The following XKR5 variants were observed in gnomAD, a reference collection of about 807,000 sequenced individuals.
XKR5 encodes XK-related protein 5.
XKR5 carries 46 observed loss-of-function variants against 40.8 expected under a neutral mutation model. The observed-to-expected ratio is 1.13, with a 90% CI of 0.89 to 1.44. The LOEUF (loss-of-function observed/expected upper bound fraction) is 1.44. Among genes scored for constraint, XKR5 ranks in the 40% most tolerant of loss-of-function variants. The pLI, the probability that XKR5 is intolerant of heterozygous loss-of-function variation, is 0.00. For missense variants in XKR5, 1,169 were observed against 844.7 expected (o/e 1.38, Z -4.76); for synonymous variants, 466 against 356.1 (o/e 1.31, Z -3.48).
At chr8:6,815,950 C>T (rs767205480) in intron 5 of XKR5, 32 bp from the exon 6 acceptor site, 13 of 1,511,786 alleles carry the variant, frequency 8.6e-6, no homozygotes, top group South Asian at 2.4e-5. Flanking sequence ...CACCACACCT[C>T]GTCAGGTGCA....
chr8:6,818,010 C>T (rs1804040901), intron 5 of XKR5, among the ~76,000 whole-genome samples: 1 of 152,160 alleles, frequency 6.6e-6, no homozygotes, highest in South Asian at 2.1e-4. Context: ...GGATGTTCCT[C>T]CTCCTTCCTC....
In XKR5 at chr8:6,811,863, C is replaced by G. The variant is rs1321627613; in HGVS notation, c.1396G>C (p.Glu466Gln). 2.0e-6 allele frequency: 3 copies of G among 1,537,428 alleles called. No homozygotes were observed. Among genetic ancestry groups the G allele is most frequent in the Admixed American group, 2.0e-5 (1 of 50,990 alleles). The change falls in exon 7 of 7, where the codon GAG becomes CAG. Residue 466 changes from glutamate to glutamine, a missense_variant. Coordinates refer to ENST00000618742, the MANE Select transcript of XKR5 (RefSeq NM_207411.5). ...PSSSRDPSTLENSSAFEGVPK... is the reference protein window; with the variant it reads ...PSSSRDPSTLQNSSAFEGVPK... ...ACACCTTCAAACGCAGAGCTGTTCT[C>G]TAAGGTTGAGGGGTCACGGGATGAG... is the stretch of plus-strand genomic sequence containing the variant.
At chr8:6,827,069 T>C (rs999973360) in intron 2 of XKR5, among the ~76,000 whole-genome samples, 2 of 152,150 alleles carry the variant, frequency 1.3e-5, no homozygotes, top group Middle Eastern at 3.2e-3. Flanking sequence ...CAGACCACCT[T>C]CCTTACAACC....
intron 2 of XKR5, chr8:6,829,030 T>C (rs975427843): frequency 1.3e-5 from 2 of 152,252 alleles, no homozygotes; most frequent in Admixed American, 6.5e-5. Context: ...CCTCCCTACA[T>C]TGATGGAAAT....
intron 2 of XKR5, among the ~76,000 whole-genome samples, chr8:6,825,568 C>G (rs1450359406): frequency 3.3e-5 from 5 of 151,608 alleles, no homozygotes. Flanking sequence ...CCAGGCCACA[C>G]TCTCCCCACG....
At chr8:6,832,028 A>AC (rs949853024) in intron 2 of XKR5, among the ~76,000 whole-genome samples, 3 of 147,496 alleles carry the variant, frequency 2.0e-5, no homozygotes, top group Middle Eastern at 3.2e-3. Context: ...AAAAAAAAAA[A>AC]AAAAAAACAA....
chr8:6,834,976 G>T (rs1804945302), intron 1 of XKR5, among the ~76,000 whole-genome samples: 1 of 152,174 alleles, frequency 6.6e-6, no homozygotes, highest in African/African-American at 2.4e-5. Flanking sequence ...CGGCCTCCAA[G>T]TCGCAGGGTC....
intron 3 of XKR5, 63 bp downstream of exon 3, chr8:6,825,102 G>A (rs1178727920): frequency 2.5e-6 from 4 of 1,587,470 alleles, no homozygotes; most frequent in Non-Finnish European, 3.4e-6. Flanking sequence ...TGCTAAACAG[G>A]CTCACATTCC....
chr8:6,829,494 T>C (rs1804662476), intron 2 of XKR5, among the ~76,000 whole-genome samples: 1 of 152,210 alleles, frequency 6.6e-6, no homozygotes, highest in Non-Finnish European at 1.5e-5. Context: ...AATACACTTA[T>C]GGCTTAAATC....
chr8:6,822,170 C>G (rs1028373355), intron 4 of XKR5, 132 bp from the exon 5 acceptor site: 1 of 860,252 alleles, frequency 1.2e-6, no homozygotes, highest in African/African-American at 1.7e-5. Flanking sequence ...ATATCAAAAC[C>G]CAGAAGAGAT....
At chr8:6,827,907 C>T (rs1053892117) in intron 2 of XKR5, among the ~76,000 whole-genome samples, 3 of 151,612 alleles carry the variant, frequency 2.0e-5, no homozygotes, top group African/African-American at 7.3e-5. Context: ...GTCTACAAAA[C>T]AAAACAAAAC....
chr8:6,810,471 C>T lies in XKR5; in HGVS notation c.*727G>A, dbSNP rs555467781. 3.3e-5 allele frequency: 5 copies of T among 152,334 alleles called. No individual in the cohort carries two copies. Among genetic ancestry groups the T allele is most frequent in the African/African-American group, 4.8e-5 (2 of 41,560 alleles). The allele number at this position is 152,334 out of a possible 1,614,324, so 9.4% of individuals were successfully genotyped here. ...GGAACTCTTGGCTGGCCAGCCTGCA[C>T]AAAGGGGAGCAGCACATTTCACAGA... On this transcript the variant is annotated 3_prime_UTR_variant, in exon 7 of 7. Transcript: ENST00000618742.
At chr8:6,831,859 C>A (rs1335259162) in intron 2 of XKR5, among the ~76,000 whole-genome samples, 1 of 151,836 alleles carries the variant, frequency 6.6e-6, no homozygotes, top group Non-Finnish European at 1.5e-5. Context: ...ACTAAAAATA[C>A]AAAAAATTAG....
intron 5 of XKR5, among the ~76,000 whole-genome samples, chr8:6,817,483 A>G (rs1268800768): frequency 6.6e-6 from 1 of 151,942 alleles, no homozygotes; most frequent in African/African-American, 2.4e-5. Flanking sequence ...CAGACTCAGC[A>G]CATATGATTC....
chr8:6,811,098 G>T lies in XKR5; in HGVS notation c.*100C>A. On this transcript the variant is annotated 3_prime_UTR_variant, in exon 7 of 7. Coordinates refer to ENST00000618742, the MANE Select transcript of XKR5 (RefSeq NM_207411.5). Reference sequence around the variant, plus strand: ...GGAGATTCAGAGGTGACAGTGATGTGCCCAAGGACACAGGTGTCAGAAGTG... The same window carrying T: ...GGAGATTCAGAGGTGACAGTGATGTTCCCAAGGACACAGGTGTCAGAAGTG... 2 of 1,181,026 alleles carry T rather than the reference G, an allele frequency of 1.7e-6. No individual in the cohort carries two copies. Among genetic ancestry groups the T allele is most frequent in the Non-Finnish European group, 1.2e-6 (1 of 862,930 alleles). 73.2% of individuals were successfully genotyped at this position (1,181,026 alleles called of 1,614,324 possible).
chr8:6,814,872 T>C (rs1257478258), intron 6 of XKR5, among the ~76,000 whole-genome samples: 1 of 152,128 alleles, frequency 6.6e-6, no homozygotes, highest in Non-Finnish European at 1.5e-5. Flanking sequence ...TGTGTCCAGG[T>C]CATTCCTTTC....
chr8:6,821,578 G>C (rs1475919264), intron 5 of XKR5, among the ~76,000 whole-genome samples: 1 of 152,188 alleles, frequency 6.6e-6, no homozygotes, highest in East Asian at 1.9e-4. Flanking sequence ...CAGTTGAACT[G>C]TAATGATATT....
chr8:6,816,087 T>C (rs1343307098), intron 5 of XKR5, among the ~76,000 whole-genome samples, 169 bp from the exon 6 acceptor site: 1 of 151,970 alleles, frequency 6.6e-6, no homozygotes, highest in African/African-American at 2.4e-5. Flanking sequence ...ACTGAGACCT[T>C]CTCTGGCAAA....
intron 4 of XKR5, 136 bp downstream of exon 4, chr8:6,823,385 C>G (rs958450908): frequency 7.8e-6 from 7 of 894,522 alleles, no homozygotes; most frequent in African/African-American, 3.3e-5. Context: ...GCCACCCAAG[C>G]AAGATCCATT....
Sources: allele counts gnomAD v4.1 joint callset (sites outside exome capture counted in the v4.1 genomes callset), GRCh38; gene constraint gnomAD v4.1.1; transcripts MANE v1.5; gene names NCBI Gene and HGNC (gene_info 2026-07-23, HGNC 2026-07-21).